The following NKTR variants were observed in gnomAD, a reference collection of about 807,000 sequenced individuals.
NKTR encodes the protein NK-tumor recognition protein.
NKTR carries 67 observed loss-of-function variants against 156.3 expected under a neutral mutation model. The observed-to-expected ratio is 0.43, with a 90% CI of 0.35 to 0.53. The LOEUF (loss-of-function observed/expected upper bound fraction) is 0.53, where lower values mean the gene tolerates loss of function less well. Among genes scored for constraint, NKTR ranks in the 20% least tolerant of loss-of-function variants. NKTR has a pLI of 0.01. For synonymous variants in NKTR, 640 were observed against 596.6 expected, an observed-to-expected ratio of 1.07 and a Z score of -1.06; for missense variants, 1,604 against 1,730.9, an observed-to-expected ratio of 0.93 and a Z score of 1.30.
At chr3:42,623,500 A>G (rs939162169) in intron 6 of NKTR, among the ~76,000 whole-genome samples, 9 of 152,160 alleles carry the variant, frequency 5.9e-5, no homozygotes, top group African/African-American at 2.2e-4. Flanking sequence ...CAAGAGTTGC[A>G]GGATAAAATC....
intron 6 of NKTR, chr3:42,623,665 T>C (rs1708119000): frequency 6.6e-6 from 1 of 152,158 alleles, no homozygotes; most frequent in South Asian, 2.1e-4. Flanking sequence ...AAAAAAAGTA[T>C]GATATGCTAT....
At position 42,639,006 on chromosome 3, in the gene NKTR, A is replaced by G; in HGVS notation, c.3302A>G (p.Asn1101Ser). 6.2e-7 allele frequency: 1 copy of G among 1,613,662 alleles called. No homozygotes were observed. The highest frequency in any genetic ancestry group is 1.3e-5 in the African/African-American group (1 of 74,998). ...ISPTALNTEE[N>S]VACLQNIQHV... ...CCCACAGCTTTAAATACTGAGGAAA[A>G]TGTGGCCTGTTTACAAAACATTCAG... The change falls in exon 13 of 17, where the codon AAT (asparagine) becomes AGT (serine). Residue 1101 changes from asparagine (N) to serine (S), a missense_variant. This residue lies in a region of NKTR where 1,255 missense variants were observed against 1,243.7 expected (regional missense o/e 1.01). Transcript: ENST00000232978.
At position 42,637,240 on chromosome 3, in the gene NKTR, C is replaced by T. The variant is rs1283977648; in HGVS notation, c.1536C>T (p.Thr512=). 6.2e-7 allele frequency: 1 copy of T among 1,611,772 alleles called. No individual in the cohort carries two copies. The highest frequency in any genetic ancestry group is 8.5e-7 in the Non-Finnish European group (1 of 1,179,340). The change falls in exon 13 of 17, where the codon ACC becomes ACT. Residue 512 remains threonine (T), a synonymous_variant. Coordinates refer to ENST00000232978, the MANE Select transcript of NKTR (RefSeq NM_005385.4). ...ATAAGGATGTCCAGAGCTCTTTAACCCATTCCAGCAGAGACTCATACAGAT... is the reference window on the plus strand; with the variant it reads ...ATAAGGATGTCCAGAGCTCTTTAACTCATTCCAGCAGAGACTCATACAGAT... The part of the protein sequence containing the change: ...KSDKDVQSSL[T]HSSRDSYRSK...
intron 6 of NKTR, chr3:42,629,087 T>C: frequency 1.0e-6 from 1 of 954,466 alleles, no homozygotes. Flanking sequence ...TTTCTTGTCT[T>C]TAGTGTACTT....
chr3:42,627,643 T>G, intron 6 of NKTR: 2 of 984,968 alleles, frequency 2.0e-6, no homozygotes, highest in Non-Finnish European at 2.4e-6. Context: ...TTTTTTAAAG[T>G]AGATTCAGGG....
Position 42,637,968 on chromosome 3 carries a change from C to T in NKTR, c.2264C>T (p.Ala755Val). Residue 755 changes from alanine (A) to valine (V), a missense_variant, in exon 13 of 17, where the codon GCT (alanine) becomes GTT (valine). Around this residue, in one of 6 missense-constraint regions of NKTR, gnomAD observed 1,255 missense variants for 1,243.7 expected, o/e 1.01. Transcript: ENST00000232978. ...TSISSDDGRR[A>V]KRRLRSSGKK... ...ATTAGCAGTGATGATGGAAGGCGAGCTAAGAGGAGACTTAGATCCAGTGGG... is the reference window on the plus strand; with the variant it reads ...ATTAGCAGTGATGATGGAAGGCGAGTTAAGAGGAGACTTAGATCCAGTGGG... The T allele has an allele frequency of 6.2e-7, 1 of 1,613,922 alleles. No homozygotes were observed. Among genetic ancestry groups the T allele is most frequent in the Non-Finnish European group, 8.5e-7 (1 of 1,179,902 alleles).
In NKTR at chr3:42,619,006, T is replaced by TC; in HGVS notation, c.134-14_134-13insC. Reference sequence around the variant, plus strand: ...TAATTAAACTTCATTTCTTTTTTTTTTTTTTTTTTCCAGGAGAGAAAGGCC... The same window carrying TC: ...TAATTAAACTTCATTTCTTTTTTTTTCTTTTTTTTTCCAGGAGAGAAAGGCC... On this transcript the variant is annotated splice_polypyrimidine_tract_variant and intron_variant, in intron 3 of 16. Coordinates refer to ENST00000232978, the MANE Select transcript of NKTR (RefSeq NM_005385.4). 1 of 1,563,812 alleles carries TC rather than the reference T, an allele frequency of 6.4e-7. No individual in the cohort carries two copies. Among genetic ancestry groups the TC allele is most frequent in the South Asian group, 1.2e-5 (1 of 83,548 alleles).
Position 42,619,058 on chromosome 3 carries a change from T to C in NKTR, c.172T>C (p.Cys58Arg). 6.2e-7 allele frequency: 1 copy of C among 1,607,442 alleles called. No individual in the cohort carries two copies. The highest frequency in any genetic ancestry group is 8.5e-7 in the Non-Finnish European group (1 of 1,177,756). ...GLGKTTGKKLCYKGSTFHRVV... is the reference protein window; with the variant it reads ...GLGKTTGKKLRYKGSTFHRVV... ...TGGGAAAACAACTGGGAAGAAGTTA[T>C]GTTATAAAGGTTCTACGTTCCATCG... Residue 58 changes from cysteine to arginine, a missense_variant, in exon 4 of 17, where the codon TGT (cysteine) becomes CGT (arginine). Physicochemically the swap from Cys to Arg is radical, Grantham distance 180 (BLOSUM62 -3). Coordinates refer to ENST00000232978, the MANE Select transcript of NKTR (RefSeq NM_005385.4).
chr3:42,631,440 C>A, intron 8 of NKTR, 124 bp downstream of exon 8: 2 of 1,077,610 alleles, frequency 1.9e-6, no homozygotes, highest in Non-Finnish European at 2.6e-6. Flanking sequence ...TGAATCATAC[C>A]CTACATGTTT....
intron 6 of NKTR, chr3:42,628,558 A>G: frequency 3.0e-6 from 3 of 985,426 alleles, no homozygotes; most frequent in Non-Finnish European, 2.4e-6. Flanking sequence ...AAAAATTTGC[A>G]GGCTTTCCCC....
intron 6 of NKTR, chr3:42,627,965 G>A (rs1708551382): frequency 1.0e-6 from 1 of 985,134 alleles, no homozygotes; most frequent in African/African-American, 1.7e-5. Context: ...TGAATAGTCT[G>A]GATTGTGGAT....
chr3:42,628,999 C>A, intron 6 of NKTR: 1 of 705,738 alleles, frequency 1.4e-6, no homozygotes, highest in African/African-American at 1.9e-5. Flanking sequence ...GAGACTCCAT[C>A]TCAAAATAAA....
At chr3:42,630,380 G>T in intron 6 of NKTR, 166 bp from the exon 7 acceptor site, 1 of 1,418,740 alleles carries the variant, frequency 7.0e-7, no homozygotes, top group East Asian at 2.6e-5. Context: ...GGCTACTATT[G>T]CTGTTTTGGG....
chr3:42,623,407 T>TG, intron 6 of NKTR, among the ~76,000 whole-genome samples: 1 of 152,138 alleles, frequency 6.6e-6, no homozygotes, highest in Non-Finnish European at 1.5e-5. Context: ...CTGGAAGTAA[T>TG]TGAGTATTTA....
intron 2 of NKTR, among the ~76,000 whole-genome samples, chr3:42,609,632 A>G (rs1036044140): frequency 3.3e-5 from 5 of 152,228 alleles, no homozygotes; most frequent in Admixed American, 6.5e-5. Context: ...TTAAGTTATT[A>G]TAGGTTACTC....
chr3:42,639,923 A>G (rs965001226), intron 13 of NKTR, among the ~76,000 whole-genome samples, 173 bp downstream of exon 13: 8 of 148,248 alleles, frequency 5.4e-5, no homozygotes, highest in African/African-American at 1.8e-4. Context: ...AGGGAATTTC[A>G]GGAGGAGAAA....
Position 42,639,144 on chromosome 3 carries a change from C to G in NKTR, c.3440C>G (p.Pro1147Arg). 6.2e-7 allele frequency: 1 copy of G among 1,614,114 alleles called. No homozygotes were observed. Among genetic ancestry groups the G allele is most frequent in the Non-Finnish European group, 8.5e-7 (1 of 1,180,006 alleles). ...CCAGCAAAAGTAGAGGAGACTTCCCCTCTAGGAAATGCACGGCTTGATACC... is the reference window on the plus strand; with the variant it reads ...CCAGCAAAAGTAGAGGAGACTTCCCGTCTAGGAAATGCACGGCTTGATACC... Reference protein sequence around the residue: ...SSPAKVEETSPLGNARLDTPD... With the variant: ...SSPAKVEETSRLGNARLDTPD... The change falls in exon 13 of 17, where the codon CCT becomes CGT. Residue 1147 changes from proline to arginine, a missense_variant. Physicochemically the swap from Pro to Arg is moderately radical, Grantham distance 103 (BLOSUM62 -2). Coordinates refer to ENST00000232978, the MANE Select transcript of NKTR (RefSeq NM_005385.4).
At chr3:42,630,195 T>TA in intron 6 of NKTR, 2 of 1,058,890 alleles carry the variant, frequency 1.9e-6, no homozygotes, top group Non-Finnish European at 2.3e-6. Context: ...AGGGTTTTTT[T>TA]TTTTAAGTGT....
chr3:42,633,581 C>A lies in NKTR; in HGVS notation c.775C>A (p.His259Asn). 1 of 1,613,208 alleles carries A rather than the reference C, an allele frequency of 6.2e-7. No homozygotes were observed. Among genetic ancestry groups the A allele is most frequent in the Non-Finnish European group, 8.5e-7 (1 of 1,179,652 alleles). Reference sequence around the variant, plus strand: ...ATCAGTGACTTGGTTTGTTCTAAGTCACTCTGAGAGGAGTGATACCAATGA... The same window carrying A: ...ATCAGTGACTTGGTTTGTTCTAAGTAACTCTGAGAGGAGTGATACCAATGA... ...RNKHAMNPKGHSERSDTNEKR... is the reference protein window; with the variant it reads ...RNKHAMNPKGNSERSDTNEKR... Residue 259 changes from histidine to asparagine, a missense_variant and splice_region_variant, in exon 10 of 17, where the codon CAC becomes AAC. Coordinates refer to ENST00000232978, the MANE Select transcript of NKTR (RefSeq NM_005385.4).
Sources: gnomAD v4.1 joint callset for allele counts (sites outside exome capture counted in the v4.1 genomes callset) on GRCh38, gnomAD v4.1.1 for gene constraint, gnomAD v4.1.1 regional missense constraint, MANE v1.5 for transcripts, NCBI Gene and HGNC (gene_info 2026-07-23, HGNC 2026-07-21) for gene names.